The following KCNN2 variants were observed in gnomAD, a reference collection of about 807,000 sequenced individuals.
The protein encoded by KCNN2 is small conductance calcium-activated potassium channel protein 2.
A neutral mutation model predicts 55.5 loss-of-function variants in KCNN2; 24 were observed. That is an observed-to-expected ratio of 0.43 (90% CI 0.31 to 0.61). KCNN2 has a LOEUF of 0.61. Ranked by LOEUF, KCNN2 falls within the 20% of genes least tolerant of loss-of-function variation. The pLI, the probability that KCNN2 is intolerant of heterozygous loss-of-function variation, is 0.08. For missense variants in KCNN2, 754 were observed against 853.6 expected (o/e 0.88, Z 1.45); for synonymous variants, 431 against 336.1 (o/e 1.28, Z -3.09).
At chr5:114,123,562 A>C (rs566866776) in intron 1 of KCNN2, among the ~76,000 whole-genome samples, 1 of 84,034 alleles carries the variant, frequency 1.2e-5, no homozygotes, top group Admixed American at 1.1e-4. Context: ...ACGGGGTTTC[A>C]CTGTGTTAGC....
Position 114,247,152 on chromosome 5 carries a change from T to TAAG in KCNN2, c.-185+25589_-185+25590insGAA, listed in dbSNP as rs200855015. On this transcript the variant is annotated intron_variant, in intron 2 of 10. Transcript: ENST00000512097. ...AACTCTGTCTCTACTAGAAAAATAATAATAATAATAATAATACAAAAATTA... is the reference window on the plus strand; with the variant it reads ...AACTCTGTCTCTACTAGAAAAATAATAAGAATAATAATAATAATACAAAAATTA... Among the ~76,000 whole-genome samples the TAAG allele has an allele frequency of 6.4e-4, 48 of 74,490 alleles. No individual in the cohort carries two copies. The East Asian group carries it at 0.016, about 25-fold the overall frequency. 48.9% of individuals were successfully genotyped at this position (74,490 alleles called of 152,430 possible).
intron 6 of KCNN2, 118 bp downstream of exon 6, chr5:114,487,295 G>C: frequency 2.2e-6 from 2 of 894,758 alleles, no homozygotes; most frequent in Non-Finnish European, 3.5e-6. Flanking sequence ...TTTATTCCCA[G>C]AAGATGTTAT....
intron 2 of KCNN2, among the ~76,000 whole-genome samples, chr5:114,379,989 C>T (rs1437165333): frequency 6.7e-6 from 1 of 150,346 alleles, no homozygotes; most frequent in Non-Finnish European, 1.5e-5. Context: ...TTATACATGT[C>T]ATTTACATAA....
At chr5:114,364,121 A>G (rs993455720) in intron 2 of KCNN2, 120 bp downstream of exon 2, 13 of 718,394 alleles carry the variant, frequency 1.8e-5, no homozygotes, top group South Asian at 1.7e-4. Context: ...CAGAAGACAC[A>G]TGCTGTATTG....
At chr5:114,473,227 T>C (rs1761828611) in intron 5 of KCNN2, 63 bp downstream of exon 5, 2 of 1,087,294 alleles carry the variant, frequency 1.8e-6, no homozygotes, top group East Asian at 5.1e-5. Flanking sequence ...TGTTAGGAAA[T>C]ATGGTTTTTA....
chr5:114,238,626 C>CA (rs36125313), intron 2 of KCNN2, among the ~76,000 whole-genome samples: 10,400 of 111,164 alleles, frequency 0.094, 395 homozygotes, highest in African/African-American at 0.15. Flanking sequence ...ACTCCGTCTC[C>CA]AAAAAAAAAA....
chr5:114,112,442 C>T (rs868532389), intron 1 of KCNN2, among the ~76,000 whole-genome samples: 6 of 152,172 alleles, frequency 3.9e-5, no homozygotes, highest in Middle Eastern at 3.4e-3. Context: ...CAAACCTGCA[C>T]GTTGTGCACA....
chr5:114,276,891 G>T (rs925354294), intron 2 of KCNN2, among the ~76,000 whole-genome samples: 3 of 152,026 alleles, frequency 2.0e-5, no homozygotes, highest in Non-Finnish European at 4.4e-5. Context: ...GTGCTAGCTG[G>T]TTATTTCACC....
intron 2 of KCNN2, among the ~76,000 whole-genome samples, chr5:114,309,635 C>T (rs1756358267): frequency 6.6e-6 from 1 of 152,118 alleles, no homozygotes; most frequent in Admixed American, 6.6e-5. Context: ...CAGAGAGACC[C>T]ACTGGGGACC....
At chr5:114,162,136 T>C (rs1156387900) in intron 1 of KCNN2, among the ~76,000 whole-genome samples, 1 of 152,224 alleles carries the variant, frequency 6.6e-6, no homozygotes, top group Admixed American at 6.5e-5. Context: ...TGTGGTTTTA[T>C]CTACCTTTGG....
chr5:114,490,629 C>A, intron 6 of KCNN2: 1 of 397,796 alleles, frequency 2.5e-6, no homozygotes, highest in Non-Finnish European at 4.4e-6. Flanking sequence ...TATTTTGTTC[C>A]AGAATATTTT....
chr5:114,172,207 C>T (rs143512051), intron 1 of KCNN2, among the ~76,000 whole-genome samples: 103 of 152,080 alleles, frequency 6.8e-4, no homozygotes, highest in African/African-American at 2.4e-3. Flanking sequence ...CTACCAGCAC[C>T]ACTTGTTAAT....
rs1580660086 is a variant in KCNN2 at position 114,249,487 on chromosome 5, A to G, written c.-185+27922A>G. Among the ~76,000 whole-genome samples the G allele has an allele frequency of 2.6e-5, 4 of 151,778 alleles. No individual in the cohort carries two copies. The Middle Eastern group carries it at 0.01, about 387-fold the overall frequency. On this transcript the variant is annotated intron_variant, in intron 2 of 10. Coordinates refer to the KCNN2 transcript ENST00000512097. ...TTTTTACTAGAGATGAGGTTTCACC[A>G]TGTTGGCCAGGCTGATCTCGAATTC...
intron 2 of KCNN2, among the ~76,000 whole-genome samples, chr5:114,324,124 T>C (rs1262626268): frequency 1.3e-5 from 2 of 152,212 alleles, no homozygotes; most frequent in African/African-American, 4.8e-5. Flanking sequence ...TTGACCATTT[T>C]TTTGTCATCT....
At chr5:114,113,884 G>A in intron 1 of KCNN2, among the ~76,000 whole-genome samples, 1 of 152,032 alleles carries the variant, frequency 6.6e-6, no homozygotes, top group East Asian at 1.9e-4. Flanking sequence ...GGTAAAGGAA[G>A]TCCTGGCAGC....
intron 1 of KCNN2, among the ~76,000 whole-genome samples, chr5:114,216,221 A>C (rs543707453): frequency 6.6e-6 from 1 of 152,312 alleles, no homozygotes; most frequent in East Asian, 1.9e-4. Flanking sequence ...GAAACAATGA[A>C]AAACAAAGTA....
At chr5:114,075,965 A>C (rs1750677995) in intron 1 of KCNN2, among the ~76,000 whole-genome samples, 1 of 152,238 alleles carries the variant, frequency 6.6e-6, no homozygotes, top group African/African-American at 2.4e-5. Flanking sequence ...AGTTGTTCCC[A>C]GGCTAAATTG....
At chr5:114,315,269 G>C (rs1756477414) in intron 2 of KCNN2, among the ~76,000 whole-genome samples, 1 of 152,064 alleles carries the variant, frequency 6.6e-6, no homozygotes, top group African/African-American at 2.4e-5. Flanking sequence ...ACCAGTTACA[G>C]GTACTTAATA....
chr5:114,392,352 C>T (rs567637783), intron 2 of KCNN2, among the ~76,000 whole-genome samples: 34 of 152,232 alleles, frequency 2.2e-4, no homozygotes, highest in African/African-American at 4.8e-4. Flanking sequence ...TAGTTTTCTT[C>T]GTTCTAGCAA....
Sources: allele counts gnomAD v4.1 joint callset (sites outside exome capture counted in the v4.1 genomes callset), GRCh38; gene constraint gnomAD v4.1.1; transcripts MANE v1.5; gene names NCBI Gene and HGNC (gene_info 2026-07-23, HGNC 2026-07-21).